PEX3: variants seen among roughly 807,000 people sequenced by gnomAD.
PEX3 encodes the protein peroxisomal biogenesis factor 3, also known as peroxin-3.
In PEX3, 30 loss-of-function variants were observed where a neutral mutation model predicts 55.8. The observed-to-expected ratio is 0.54, with a 90% CI of 0.40 to 0.73. The LOEUF (loss-of-function observed/expected upper bound fraction) is 0.73. Ranked by LOEUF, PEX3 falls within the 30% of genes least tolerant of loss-of-function variation. The probability of loss-of-function intolerance (pLI) is 0.00; values close to 1 mark genes in which losing one functional copy is unlikely to be tolerated. For synonymous variants in PEX3, 135 were observed against 148.4 expected (o/e 0.91, Z 0.66); for missense variants, 351 against 432.8 (o/e 0.81, Z 1.68).
intron 8 of PEX3, among the ~76,000 whole-genome samples, chr6:143,473,649 G>T (rs1381419656): frequency 6.6e-6 from 1 of 151,926 alleles, no homozygotes; most frequent in Non-Finnish European, 1.5e-5. Flanking sequence ...GGATCACTTG[G>T]GTCCAGGAGT....
chr6:143,454,772 G>A lies in PEX3; in HGVS notation c.73+3657G>A, dbSNP rs1455680971. ...TGCTTAAGTTGTAGAGCTAGCAAAG[G>A]AGAAAGGACACAGAAGGAAAAAGAG... is the stretch of plus-strand genomic sequence containing the variant. On this transcript the variant is annotated intron_variant, in intron 1 of 11. Coordinates refer to ENST00000367591, the MANE Select transcript of PEX3 (RefSeq NM_003630.3). This position sits in a 1 kb window ranked among gnomAD's most constrained non-coding sequence, Gnocchi z 4.3. Among the ~76,000 whole-genome samples, 1 of 152,200 alleles carries A rather than the reference G, an allele frequency of 6.6e-6. No homozygotes were observed. The highest frequency in any genetic ancestry group is 2.4e-5 in the African/African-American group (1 of 41,450).
rs371517084 is a variant in PEX3 at position 143,451,023 on chromosome 6, C to T, written c.-20C>T. 1.3e-6 allele frequency: 2 copies of T among 1,589,446 alleles called. No homozygotes were observed. The highest frequency in any genetic ancestry group is 1.7e-6 in the Non-Finnish European group (2 of 1,157,376). On this transcript the variant is annotated 5_prime_UTR_variant, in exon 1 of 12. Transcript: ENST00000367591. This position sits in a 1 kb window ranked among gnomAD's most constrained non-coding sequence, Gnocchi z 4.1. Reference sequence around the variant, plus strand: ...AGCAGTCCCTCACCCCTAGTCAGCCCACACCCCTAGGGCCTAAAGATGCTG... The same window carrying T: ...AGCAGTCCCTCACCCCTAGTCAGCCTACACCCCTAGGGCCTAAAGATGCTG...
At chr6:143,457,436 ACC>A (rs1779862297) in intron 1 of PEX3, among the ~76,000 whole-genome samples, 1 of 152,178 alleles carries the variant, frequency 6.6e-6, no homozygotes, top group Non-Finnish European at 1.5e-5. Context: ...TTTAGCACAT[ACC>A]CTTTTACTGA....
chr6:143,463,008 G>GT lies in PEX3; in HGVS notation c.287+13dup. On this transcript the variant is annotated intron_variant, in intron 3 of 11. Coordinates refer to ENST00000367591, the MANE Select transcript of PEX3 (RefSeq NM_003630.3). The surrounding 1 kb of genome is among the most constrained non-coding windows in gnomAD (Gnocchi z 5.7). Reference sequence around the variant, plus strand: ...TCTGCTAAAAAACAGGTAAATGCAAGTTACAGCATTTTCTGTTTAAGCACT... The same window carrying GT: ...TCTGCTAAAAAACAGGTAAATGCAAGTTTACAGCATTTTCTGTTTAAGCACT... 1 of 1,593,936 alleles carries GT rather than the reference G, an allele frequency of 6.3e-7. No homozygotes were observed. The highest frequency in any genetic ancestry group is 8.6e-7 in the Non-Finnish European group (1 of 1,161,714).
chr6:143,474,135 AAAT>A (rs1003365997), intron 8 of PEX3, among the ~76,000 whole-genome samples: 14 of 151,934 alleles, frequency 9.2e-5, no homozygotes, highest in African/African-American at 3.4e-4. Context: ...TTTCTCAAAA[AAAT>A]AATAATAGTA....
In PEX3 at chr6:143,471,393, C is replaced by T. The variant is rs1780071660; in HGVS notation, c.467C>T (p.Ala156Val). Residue 156 changes from alanine to valine, a missense_variant, in exon 6 of 12, where the codon GCT (alanine) becomes GTT (valine). Physicochemically the swap from Ala to Val is moderately conservative, Grantham distance 64 (BLOSUM62 0). Transcript: ENST00000367591. The surrounding 1 kb of genome is among the most constrained non-coding windows in gnomAD (Gnocchi z 5.4). ...TTCTGTTTTATACAGACAATTCTTG[C>T]TCCCCCAGATGTCCAACAGCAGTAT... is the stretch of plus-strand genomic sequence containing the variant. ...AVGKNGTTIL[A>V]PPDVQQQYLS... 2 of 1,603,230 alleles carry T rather than the reference C, an allele frequency of 1.2e-6. No individual in the cohort carries two copies. The highest frequency in any genetic ancestry group is 1.7e-6 in the Non-Finnish European group (2 of 1,170,710).
chr6:143,472,158 A>T lies in PEX3; in HGVS notation c.579-2A>T. 6.3e-7 allele frequency: 1 copy of T among 1,592,048 alleles called. No homozygotes were observed. Among genetic ancestry groups the T allele is most frequent in the Non-Finnish European group, 8.6e-7 (1 of 1,160,364 alleles). On this transcript the variant is annotated splice_acceptor_variant, in intron 7 of 11. Coordinates refer to ENST00000367591, the MANE Select transcript of PEX3 (RefSeq NM_003630.3). LOFTEE classifies it high-confidence loss of function. ...TCCCAATTCCCTTTTCTCTGTTTCT[A>T]GTGTTTCTCTTAAACATTCTTTGTC...
chr6:143,463,911 T>A lies in PEX3; in HGVS notation c.287+914T>A, dbSNP rs532092318. Among the ~76,000 whole-genome samples the A allele has an allele frequency of 3.3e-4, 51 of 152,268 alleles. No individual in the cohort carries two copies. In the East Asian group the frequency reaches 8.7e-3, roughly 26 times the overall value. On this transcript the variant is annotated intron_variant, in intron 3 of 11. Coordinates refer to ENST00000367591, the MANE Select transcript of PEX3 (RefSeq NM_003630.3). The surrounding 1 kb of genome is among the most constrained non-coding windows in gnomAD (Gnocchi z 5.7). ...CTACATAACAAGTGGGGAATTTTTTTAAAAACACTTACTATATTCAGAGAA... is the reference window on the plus strand; with the variant it reads ...CTACATAACAAGTGGGGAATTTTTTAAAAAACACTTACTATATTCAGAGAA...
intron 3 of PEX3, 61 bp from the exon 4 acceptor site, chr6:143,468,061 C>T: frequency 2.3e-6 from 2 of 888,612 alleles, no homozygotes; most frequent in South Asian, 1.6e-5. Flanking sequence ...CTATAAAATT[C>T]AGAGTTTTCT....
Position 143,489,165 on chromosome 6 carries a change from T to C in PEX3, c.1061T>C (p.Val354Ala). The C allele has an allele frequency of 6.2e-7, 1 of 1,607,854 alleles. No homozygotes were observed. Among genetic ancestry groups the C allele is most frequent in the East Asian group, 2.2e-5 (1 of 44,724 alleles). Residue 354 changes from valine (V) to alanine (A), a missense_variant, in exon 12 of 12, where the codon GTG becomes GCG. By Grantham distance (64) the Val-to-Ala change is moderately conservative (BLOSUM62 0). Coordinates refer to ENST00000367591, the MANE Select transcript of PEX3 (RefSeq NM_003630.3). The surrounding 1 kb of genome is among the most constrained non-coding windows in gnomAD (Gnocchi z 5.5). ...TAGGATCTGTTGACAATGGAGCAAG[T>C]GAAAGACTTTGCTGCTAATGTGTAT... ...FVQDLLTMEQ[V>A]KDFAANVYEA...
At chr6:143,452,646 G>A (rs1482318710) in intron 1 of PEX3, among the ~76,000 whole-genome samples, 1 of 152,028 alleles carries the variant, frequency 6.6e-6, no homozygotes, top group Admixed American at 6.6e-5. Context: ...AAGTTCAGAC[G>A]GCCAGAAAGA....
At chr6:143,455,259 C>T (rs1459317721) in intron 1 of PEX3, among the ~76,000 whole-genome samples, 1 of 150,792 alleles carries the variant, frequency 6.6e-6, no homozygotes, top group African/African-American at 2.5e-5. Context: ...GTGGCTCGAT[C>T]TCGGCTCACG....
At position 143,459,296 on chromosome 6, in the gene PEX3, G is replaced by A; in HGVS notation, c.205+80G>A. 2 of 1,217,328 alleles carry A rather than the reference G, an allele frequency of 1.6e-6. No individual in the cohort carries two copies. The highest frequency in any genetic ancestry group is 1.5e-5 in the African/African-American group (1 of 67,174). 75.4% of individuals were successfully genotyped at this position (1,217,328 alleles called of 1,614,324 possible). A position where few individuals can be genotyped will look rare whatever the true frequency, so the allele number is the denominator to read the frequency against. On this transcript the variant is annotated intron_variant, in intron 2 of 11. Transcript: ENST00000367591. The surrounding 1 kb of genome is among the most constrained non-coding windows in gnomAD (Gnocchi z 4.2). Reference sequence around the variant, plus strand: ...TTGCATATCACCGGGATCAAATTTAGAGGAAAAGGCAAAGAAAAGATGGTA... The same window carrying A: ...TTGCATATCACCGGGATCAAATTTAAAGGAAAAGGCAAAGAAAAGATGGTA...
chr6:143,457,551 G>A (rs1417366299), intron 1 of PEX3, among the ~76,000 whole-genome samples: 2 of 152,160 alleles, frequency 1.3e-5, no homozygotes, highest in African/African-American at 4.8e-5. Flanking sequence ...TTGCTAGAGG[G>A]CTACCCACTT....
intron 2 of PEX3, among the ~76,000 whole-genome samples, chr6:143,460,739 C>G (rs899217757): frequency 6.6e-6 from 1 of 151,842 alleles, no homozygotes; most frequent in Non-Finnish European, 1.5e-5. Context: ...TGTTGCATGC[C>G]TGTAATCCCA....
At chr6:143,452,483 CAGAA>C (rs1334244151) in intron 1 of PEX3, among the ~76,000 whole-genome samples, 1 of 152,100 alleles carries the variant, frequency 6.6e-6, no homozygotes, top group African/African-American at 2.4e-5. Context: ...TTAGCGATCT[CAGAA>C]GGAATACTCC....
Position 143,474,855 on chromosome 6 carries a change from A to C in PEX3, c.817A>C (p.Ser273Arg), listed in dbSNP as rs769958641. The change falls in exon 9 of 12, where the codon AGC becomes CGC. Residue 273 changes from serine to arginine, a missense_variant and splice_region_variant. By Grantham distance (110) the Ser-to-Arg change is moderately radical. Transcript: ENST00000367591. The part of the protein sequence containing the change: ...LLNETRDMLE[S>R]PDFSTVLNTC... Reference sequence around the variant, plus strand: ...CAATGAAACTAGAGACATGTTGGAAAGGTATGTATACTTCATGTAGCAGGA... The same window carrying C: ...CAATGAAACTAGAGACATGTTGGAACGGTATGTATACTTCATGTAGCAGGA... 6.6e-6 allele frequency: 10 copies of C among 1,519,932 alleles called. No homozygotes were observed. Among genetic ancestry groups the C allele is most frequent in the Non-Finnish European group, 9.1e-6 (10 of 1,094,552 alleles). 94.2% of individuals were successfully genotyped at this position (1,519,932 alleles called of 1,614,324 possible). A position where few individuals can be genotyped will look rare whatever the true frequency, so the allele number is the denominator to read the frequency against.
chr6:143,480,188 T>C (rs12055800), intron 10 of PEX3, among the ~76,000 whole-genome samples: 4 of 152,124 alleles, frequency 2.6e-5, no homozygotes, highest in African/African-American at 9.7e-5. Context: ...ATAAAATCTT[T>C]AAAAAAATTT....
intron 2 of PEX3, among the ~76,000 whole-genome samples, chr6:143,461,608 TA>T (rs1285012837): frequency 3.4e-5 from 5 of 148,922 alleles, no homozygotes; most frequent in African/African-American, 4.9e-5. Context: ...TGCTTTGGGG[TA>T]AATATAAGTA....
Sources: gnomAD v4.1 joint callset for allele counts (sites outside exome capture counted in the v4.1 genomes callset) on GRCh38, gnomAD v4.1.1 for gene constraint, Gnocchi (gnomAD v3.1) non-coding constraint, MANE v1.5 for transcripts, NCBI Gene and HGNC (gene_info 2026-07-23, HGNC 2026-07-21) for gene names.